The following XKR6 variants were observed in gnomAD, a reference collection of about 807,000 sequenced individuals.
XKR6 encodes the protein XK related 6, also known as XK-related protein 6.
In XKR6, 22 loss-of-function variants were observed where a neutral mutation model predicts 56.7. The observed-to-expected ratio is 0.39, with a 90% CI of 0.28 to 0.55. XKR6 has a LOEUF of 0.55. XKR6 is among the 20% of genes least tolerant of loss of function. The pLI, the probability that XKR6 is intolerant of heterozygous loss-of-function variation, is 0.66. For missense variants in XKR6, 852 were observed against 889.0 expected (o/e 0.96, Z 0.53); for synonymous variants, 524 against 387.8 (o/e 1.35, Z -4.13).
chr8:11,058,402 T>C (rs137991043), intron 1 of XKR6, among the ~76,000 whole-genome samples: 2 of 152,180 alleles, frequency 1.3e-5, no homozygotes, highest in Non-Finnish European at 2.9e-5. Context: ...CTATTTACAA[T>C]AGCAAAGGCT....
At chr8:11,134,474 A>G (rs1800279634) in intron 1 of XKR6, among the ~76,000 whole-genome samples, 1 of 152,188 alleles carries the variant, frequency 6.6e-6, no homozygotes, top group South Asian at 2.1e-4. Context: ...CACAAGTTAC[A>G]ATTCTATGCA....
chr8:11,162,154 C>G (rs768421276), intron 1 of XKR6, among the ~76,000 whole-genome samples: 2 of 152,076 alleles, frequency 1.3e-5, no homozygotes, highest in Non-Finnish European at 2.9e-5. Flanking sequence ...AAAAGGAAGC[C>G]AAATGTTTTC....
chr8:10,921,608 G>A (rs111617503), intron 2 of XKR6, among the ~76,000 whole-genome samples: 1 of 152,206 alleles, frequency 6.6e-6, no homozygotes, highest in Non-Finnish European at 1.5e-5. Flanking sequence ...ACGGGATTGT[G>A]AAAAGATGAA....
At chr8:10,917,569 C>T (rs899132290) in intron 2 of XKR6, among the ~76,000 whole-genome samples, 12 of 152,210 alleles carry the variant, frequency 7.9e-5, no homozygotes, top group African/African-American at 2.2e-4. Flanking sequence ...GGTTCCAGCC[C>T]CAGCACAAGT....
At chr8:10,996,083 G>T (rs1026837193) in intron 1 of XKR6, among the ~76,000 whole-genome samples, 3 of 152,202 alleles carry the variant, frequency 2.0e-5, no homozygotes, top group Non-Finnish European at 4.4e-5. Context: ...GATATAAATG[G>T]AGAGAGGGAT....
Position 11,103,866 on chromosome 8 carries a change from T to G in XKR6, c.764+96710A>C, listed in dbSNP as rs182070051. 4.4e-3 allele frequency among the ~76,000 whole-genome samples: 669 copies of G among 152,344 alleles called. 17 individuals are homozygous for G. Among genetic ancestry groups the G allele is most frequent in the Admixed American group, 0.038 (582 of 15,308 alleles). ...CTTTTCTCTGCTGCAAAATTGGGAATGTTCAAAATAAATTCAATTCAAAAT... is the reference window on the plus strand; with the variant it reads ...CTTTTCTCTGCTGCAAAATTGGGAAGGTTCAAAATAAATTCAATTCAAAAT... On this transcript the variant is annotated intron_variant, in intron 1 of 2. Transcript: ENST00000416569.
intron 1 of XKR6, among the ~76,000 whole-genome samples, chr8:11,150,352 G>A (rs1801214453): frequency 6.6e-6 from 1 of 152,130 alleles, no homozygotes; most frequent in Middle Eastern, 3.2e-3. Flanking sequence ...CCATGAATAT[G>A]TAAAATATCA....
chr8:11,101,802 G>A lies in XKR6; in HGVS notation c.764+98774C>T, dbSNP rs79502444. ...ATTCCTCATGCTGTTTAGTTTGTGGGTTTATCTCGGCCTGGAGTGTCCTCC... is the reference window on the plus strand; with the variant it reads ...ATTCCTCATGCTGTTTAGTTTGTGGATTTATCTCGGCCTGGAGTGTCCTCC... On this transcript the variant is annotated intron_variant, in intron 1 of 2. Transcript: ENST00000416569. Among the ~76,000 whole-genome samples the A allele has an allele frequency of 6.4e-3, 966 of 152,062 alleles. 18 individuals carry two copies. Among genetic ancestry groups the A allele is most frequent in the Admixed American group, 0.029 (444 of 15,280 alleles).
chr8:11,033,163 A>C (rs1586455420), intron 1 of XKR6, among the ~76,000 whole-genome samples: 1 of 150,956 alleles, frequency 6.6e-6, no homozygotes, highest in Non-Finnish European at 1.5e-5. Context: ...GAAGGGGTTG[A>C]TGATGATGGT....
At chr8:11,190,013 C>T (rs1295391817) in intron 1 of XKR6, among the ~76,000 whole-genome samples, 6 of 152,030 alleles carry the variant, frequency 3.9e-5, no homozygotes, top group South Asian at 4.1e-4. Context: ...AAAAATTAGA[C>T]GGGTATGGTG....
intron 1 of XKR6, among the ~76,000 whole-genome samples, chr8:11,090,543 T>A (rs912926389): frequency 6.6e-6 from 1 of 152,234 alleles, no homozygotes; most frequent in African/African-American, 2.4e-5. Flanking sequence ...CAGTATGCAT[T>A]ATTAGTGCTT....
chr8:11,166,871 G>A (rs552072451), intron 1 of XKR6, among the ~76,000 whole-genome samples: 9 of 152,200 alleles, frequency 5.9e-5, no homozygotes, highest in African/African-American at 1.7e-4. Flanking sequence ...CACCGCACCC[G>A]GCTTAACCTA....
intron 1 of XKR6, among the ~76,000 whole-genome samples, chr8:11,069,843 T>G (rs1168701913): frequency 6.6e-6 from 1 of 152,170 alleles, no homozygotes; most frequent in Non-Finnish European, 1.5e-5. Flanking sequence ...GGCTAAGCTT[T>G]GTGACAGGAG....
rs1489365465 is a variant in XKR6, at chr8:11,200,776, G to A, written c.564C>T (p.Tyr188=). Residue 188 remains tyrosine, a synonymous_variant, in exon 1 of 3, where the codon TAC becomes TAT. Transcript: ENST00000416569. The surrounding 1 kb of genome is among the most constrained non-coding windows in gnomAD (Gnocchi z 6.4). ...SLSFRWFVQD[Y]TGGGLGAVEG... The stretch of plus-strand genomic sequence containing the variant: ...CCACGGCGCCCAGCCCGCCGCCCGT[G>A]TAGTCCTGCACGAACCAGCGGAAGC... The A allele has an allele frequency of 2.5e-6, 4 of 1,605,082 alleles. No homozygotes were observed. Among genetic ancestry groups the A allele is most frequent in the Non-Finnish European group, 2.5e-6 (3 of 1,176,906 alleles).
intron 1 of XKR6, among the ~76,000 whole-genome samples, chr8:11,178,010 A>G (rs936498342): frequency 6.6e-6 from 1 of 152,126 alleles, no homozygotes; most frequent in East Asian, 1.9e-4. Flanking sequence ...ATCCCATCGC[A>G]CCTGGTTTAC....
chr8:10,940,871 A>G (rs552450162), intron 1 of XKR6, among the ~76,000 whole-genome samples: 89 of 152,258 alleles, frequency 5.8e-4, no homozygotes, highest in Middle Eastern at 3.4e-3. Context: ...TTTCCACCAG[A>G]TATCGATCAG....
At chr8:11,160,488 T>A (rs892225836) in intron 1 of XKR6, among the ~76,000 whole-genome samples, 1 of 152,098 alleles carries the variant, frequency 6.6e-6, no homozygotes, top group African/African-American at 2.4e-5. Flanking sequence ...GAAGGAGGCA[T>A]CATAACTGTC....
intron 1 of XKR6, among the ~76,000 whole-genome samples, chr8:11,060,992 G>A (rs770201182): frequency 1.4e-4 from 21 of 152,228 alleles, no homozygotes; most frequent in Non-Finnish European, 2.6e-4. Context: ...CCAAGGCTGG[G>A]TTTGGAGCCA....
Position 10,898,268 on chromosome 8 carries a change from C to A in XKR6, c.1610G>T (p.Arg537Leu). The A allele has an allele frequency of 6.2e-7, 1 of 1,614,084 alleles. No homozygotes were observed. Among genetic ancestry groups the A allele is most frequent in the Non-Finnish European group, 8.5e-7 (1 of 1,180,008 alleles). The change falls in exon 3 of 3, where the codon CGG (arginine) becomes CTG (leucine). Residue 537 changes from arginine to leucine, a missense_variant. Physicochemically the swap from Arg to Leu is moderately radical, Grantham distance 102. This residue lies in a region of XKR6 where 197 missense variants were observed against 190.9 expected (regional missense o/e 1.03). Transcript: ENST00000416569. This position sits in a 1 kb window ranked among gnomAD's most constrained non-coding sequence, Gnocchi z 6.6. ...EPMAPEIPGY[R>L]GTQVTPTRAV... The stretch of plus-strand genomic sequence containing the variant: ...TCTGGTGGGCGTAACCTGGGTCCCC[C>A]GGTACCCAGGGATCTCAGGCGCCAT...
Sources: allele counts gnomAD v4.1 joint callset (sites outside exome capture counted in the v4.1 genomes callset), GRCh38; gene constraint gnomAD v4.1.1; regional missense constraint gnomAD v4.1.1; non-coding constraint Gnocchi (gnomAD v3.1); transcripts MANE v1.5; gene names NCBI Gene and HGNC (gene_info 2026-07-23, HGNC 2026-07-21).